Variants in ATP8A1 observed in about 807,000 individuals in gnomAD.
ATP8A1 encodes the protein ATPase phospholipid transporting 8A1, also known as phospholipid-transporting ATPase IA.
ATP8A1 carries 90 observed loss-of-function variants against 177.7 expected under a neutral mutation model. The ratio of observed to expected loss-of-function variants is 0.51; its 90% CI spans 0.43 to 0.60. The LOEUF (loss-of-function observed/expected upper bound fraction) is 0.60. ATP8A1 is among the 20% of genes least tolerant of loss of function. The pLI is 0.00. For synonymous variants in ATP8A1, 493 were observed against 485.9 expected (o/e 1.01, Z -0.19); for missense variants, 1,072 against 1,392.8 (o/e 0.77, Z 3.67).
chr4:42,559,009 T>A (rs1458722968), intron 15 of ATP8A1, among the ~76,000 whole-genome samples: 1 of 152,126 alleles, frequency 6.6e-6, no homozygotes, highest in Non-Finnish European at 1.5e-5. Flanking sequence ...GACCTGTCTC[T>A]GCAAAAAATT....
At chr4:42,529,265 C>T (rs1193409049) in intron 20 of ATP8A1, among the ~76,000 whole-genome samples, 1 of 152,194 alleles carries the variant, frequency 6.6e-6, no homozygotes, top group African/African-American at 2.4e-5. Context: ...AGGTGAATCA[C>T]AGTGGAGGCA....
At chr4:42,626,837 A>G in intron 2 of ATP8A1, 158 bp downstream of exon 2, 8 of 650,550 alleles carry the variant, frequency 1.2e-5, no homozygotes, top group South Asian at 1.7e-5. Flanking sequence ...ATATTTCTCT[A>G]TGGGAGAGAA....
chr4:42,424,569 G>T (rs1714368536), intron 33 of ATP8A1, among the ~76,000 whole-genome samples: 1 of 152,048 alleles, frequency 6.6e-6, no homozygotes, highest in South Asian at 2.1e-4. Flanking sequence ...AAAAGAATCA[G>T]GTATGGTTCA....
intron 33 of ATP8A1, among the ~76,000 whole-genome samples, chr4:42,429,361 T>C (rs896334069): frequency 9.2e-5 from 14 of 152,058 alleles, no homozygotes; most frequent in African/African-American, 3.4e-4. Flanking sequence ...AAGAAAGGTA[T>C]GATACCTGGA....
chr4:42,573,924 G>C (rs1440973750), intron 14 of ATP8A1, among the ~76,000 whole-genome samples: 2 of 152,148 alleles, frequency 1.3e-5, no homozygotes, highest in African/African-American at 4.8e-5. Flanking sequence ...AACCAGCCAG[G>C]AGAGTGTTTC....
chr4:42,656,874 CGCG>C lies in ATP8A1; in HGVS notation c.-4_-2del, dbSNP rs757525784. The C allele has an allele frequency of 2.0e-5, 32 of 1,584,144 alleles. No homozygotes were observed. Among genetic ancestry groups the C allele is most frequent in the Admixed American group, 5.2e-5 (3 of 57,394 alleles). The stretch of plus-strand genomic sequence containing the variant: ...ACACGGTCCTCCGCATGGTGGGCAT[CGCG>C]GCGGCGGCTGCAGGTGGGTCCTCAG... On this transcript the variant is annotated 5_prime_UTR_variant, in exon 1 of 37. Transcript: ENST00000381668.
At chr4:42,510,004 C>T (rs1403565350) in intron 22 of ATP8A1, among the ~76,000 whole-genome samples, 2 of 152,080 alleles carry the variant, frequency 1.3e-5, no homozygotes, top group Non-Finnish European at 2.9e-5. Context: ...TAGGTTTGCT[C>T]AAAATTAGGG....
chr4:42,627,855 C>T (rs1016871953), intron 1 of ATP8A1, among the ~76,000 whole-genome samples: 1 of 152,180 alleles, frequency 6.6e-6, no homozygotes, highest in African/African-American at 2.4e-5. Flanking sequence ...CTCCAAAACC[C>T]ATTTTTCTTC....
At chr4:42,534,672 T>C (rs1052979610) in intron 20 of ATP8A1, among the ~76,000 whole-genome samples, 1 of 152,040 alleles carries the variant, frequency 6.6e-6, no homozygotes, top group Admixed American at 6.6e-5. Flanking sequence ...ACCTGAGAAA[T>C]ACATCACAAA....
At chr4:42,508,188 A>C (rs1225442497) in intron 22 of ATP8A1, among the ~76,000 whole-genome samples, 1 of 152,160 alleles carries the variant, frequency 6.6e-6, no homozygotes, top group Non-Finnish European at 1.5e-5. Context: ...GCTGAAGTAC[A>C]GTGGTGCCAT....
At chr4:42,574,755 C>T (rs754384200) in intron 13 of ATP8A1, 48 bp from the exon 14 acceptor site, 108 of 1,309,954 alleles carry the variant, frequency 8.2e-5, no homozygotes, top group Middle Eastern at 4.0e-4. Context: ...GTCTTTATGC[C>T]ACTCTTTTAC....
intron 14 of ATP8A1, among the ~76,000 whole-genome samples, chr4:42,572,169 C>G (rs535907613): frequency 7.2e-4 from 110 of 152,294 alleles, no homozygotes; most frequent in Non-Finnish European, 1.1e-3. Flanking sequence ...TTTGCCACCT[C>G]CCTAGGGGCA....
intron 1 of ATP8A1, among the ~76,000 whole-genome samples, chr4:42,638,184 C>A (rs1042343339): frequency 1.3e-5 from 2 of 152,184 alleles, no homozygotes; most frequent in Non-Finnish European, 2.9e-5. Flanking sequence ...CTAATAACCA[C>A]TAATATATTT....
At chr4:42,560,795 A>C (rs140648607) in intron 15 of ATP8A1, among the ~76,000 whole-genome samples, 1 of 152,130 alleles carries the variant, frequency 6.6e-6, no homozygotes, top group Non-Finnish European at 1.5e-5. Flanking sequence ...AGAAAAGTCT[A>C]TGATTTTCAA....
Position 42,643,224 on chromosome 4 carries a change from AT to A in ATP8A1, c.49+13600del, listed in dbSNP as rs1250831274. ...GAACACGTATTACACTAACAGGTGC[AT>A]TTACTGAAATTCTAAAGAATATTCA... On this transcript the variant is annotated intron_variant, in intron 1 of 36. Transcript: ENST00000381668. Among the ~76,000 whole-genome samples, 7 of 152,360 alleles carry A rather than the reference AT, an allele frequency of 4.6e-5. No individual in the cohort carries two copies. The East Asian group carries it at 1.2e-3, about 25-fold the overall frequency.
chr4:42,537,143 A>C (rs4861200), intron 20 of ATP8A1, among the ~76,000 whole-genome samples: 47,004 of 144,648 alleles, frequency 0.32, 8,884 homozygotes, highest in East Asian at 0.56. Context: ...AAAAAAAAAA[A>C]AAACAAAAAA....
intron 1 of ATP8A1, among the ~76,000 whole-genome samples, chr4:42,647,085 T>C (rs919248838): frequency 7.1e-6 from 1 of 140,850 alleles, no homozygotes; most frequent in Non-Finnish European, 1.6e-5. Context: ...TGCCACAATG[T>C]ACTTACATAA....
At chr4:42,551,130 A>T (rs1248077429) in intron 18 of ATP8A1, 68 bp downstream of exon 18, 2 of 1,297,598 alleles carry the variant, frequency 1.5e-6, no homozygotes, top group African/African-American at 2.9e-5. Flanking sequence ...TTTTGGTATT[A>T]CTTTATCTTT....
Position 42,522,287 on chromosome 4 carries a change from A to G in ATP8A1, c.1820T>C (p.Leu607Ser). 1 of 1,613,570 alleles carries G rather than the reference A, an allele frequency of 6.2e-7. No individual in the cohort carries two copies. Among genetic ancestry groups the G allele is most frequent in the South Asian group, 1.1e-5 (1 of 91,062 alleles). The change falls in exon 22 of 37, where the codon TTA becomes TCA. Residue 607 changes from leucine to serine, a missense_variant. Leu to Ser is a moderately radical substitution (Grantham distance 145). Transcript: ENST00000381668. ...TGAAATCTCAGCCACAGCAAAACAT[A>G]AAGTTCTTAACCCTGAAAAAGATAG... ...EQFATEGLRTLCFAVAEISES... is the reference protein window; with the variant it reads ...EQFATEGLRTSCFAVAEISES...
Sources: gnomAD v4.1 joint callset for allele counts (sites outside exome capture counted in the v4.1 genomes callset) on GRCh38, gnomAD v4.1.1 for gene constraint, MANE v1.5 for transcripts, NCBI Gene and HGNC (gene_info 2026-07-23, HGNC 2026-07-21) for gene names.